ZMYM2: variants seen among roughly 807,000 people sequenced by gnomAD.
ZMYM2 encodes the protein zinc finger MYM-type protein 2.
A neutral mutation model predicts 162.8 loss-of-function variants in ZMYM2; 56 were observed. The observed-to-expected ratio is 0.34, with a 90% confidence interval of 0.28 to 0.43. The LOEUF (loss-of-function observed/expected upper bound fraction) is 0.43. Among genes scored for constraint, ZMYM2 ranks in the 20% least tolerant of loss-of-function variants. The probability of loss-of-function intolerance (pLI) is 1.00; values close to 1 mark genes in which losing one functional copy is unlikely to be tolerated. For missense variants in ZMYM2, 1,275 were observed against 1,621.8 expected (o/e 0.79, Z 3.67); for synonymous variants, 510 against 541.6 (o/e 0.94, Z 0.81).
chr13:20,036,129 T>C (rs1043233588), intron 11 of ZMYM2, among the ~76,000 whole-genome samples: 1 of 152,162 alleles, frequency 6.6e-6, no homozygotes, highest in Non-Finnish European at 1.5e-5. Context: ...TAGAGTATTA[T>C]GTGATCCTCG....
chr13:20,087,786 T>C lies in ZMYM2; in HGVS notation c.*1772T>C. 1 of 187,186 alleles carries C rather than the reference T, an allele frequency of 5.3e-6. No individual in the cohort carries two copies. The highest frequency in any genetic ancestry group is 1.1e-5 in the Non-Finnish European group (1 of 88,600). The allele number at this position is 187,186 out of a possible 1,614,324, so 11.6% of individuals were successfully genotyped here. On this transcript the variant is annotated 3_prime_UTR_variant, in exon 25 of 25. Transcript: ENST00000610343. ...CAAATCTGATCATACATTACTAAAA[T>C]AGATTGCTGATTGTCTATTTAACGA...
intron 7 of ZMYM2, 23 bp from the exon 8 acceptor site, chr13:20,026,589 T>C (rs895689975): frequency 1.9e-6 from 3 of 1,570,690 alleles, no homozygotes; most frequent in East Asian, 4.5e-5. Context: ...TTAAAAATTA[T>C]CTTTTTATGT....
intron 10 of ZMYM2, among the ~76,000 whole-genome samples, chr13:20,031,652 C>G (rs1953148539): frequency 6.6e-6 from 1 of 151,968 alleles, no homozygotes; most frequent in Non-Finnish European, 1.5e-5. Flanking sequence ...AAGTCATATT[C>G]CTGATATATT....
At chr13:20,084,376 C>T (rs73440198) in intron 24 of ZMYM2, among the ~76,000 whole-genome samples, 3 of 152,144 alleles carry the variant, frequency 2.0e-5, no homozygotes, top group Non-Finnish European at 4.4e-5. Context: ...TTTTCTTAAA[C>T]GGTCAGATGG....
the ZMYM2 span, among the ~76,000 whole-genome samples, chr13:19,891,641 G>T: frequency 1.3e-5 from 2 of 150,908 alleles, no homozygotes; most frequent in Non-Finnish European, 2.9e-5. Flanking sequence ...AGCTAGGCAT[G>T]GTGGCATGTA....
intron 2 of ZMYM2, among the ~76,000 whole-genome samples, chr13:19,968,252 C>CT (rs1955988360): frequency 6.6e-6 from 1 of 151,938 alleles, no homozygotes; most frequent in African/African-American, 2.4e-5. Flanking sequence ...CTAGACTTTC[C>CT]TTTTTTTGAG....
At chr13:20,058,956 T>C (rs1318813424) in intron 15 of ZMYM2, 1 of 569,628 alleles carries the variant, frequency 1.8e-6, no homozygotes, top group Non-Finnish European at 3.2e-6. Flanking sequence ...ATCTCGAAAA[T>C]TTCCTTGGGG....
chr13:20,045,458 G>A (rs573709303), intron 12 of ZMYM2, among the ~76,000 whole-genome samples: 11 of 152,210 alleles, frequency 7.2e-5, no homozygotes, highest in African/African-American at 2.4e-4. Context: ...ATACACAGAG[G>A]ACAAACATAC....
In ZMYM2 at chr13:20,006,357, G is replaced by A; in HGVS notation, c.1300-17G>A. On this transcript the variant is annotated splice_polypyrimidine_tract_variant and intron_variant, in intron 5 of 24. Coordinates refer to ENST00000610343, the MANE Select transcript of ZMYM2 (RefSeq NM_197968.4). Reference sequence around the variant, plus strand: ...AGATTGATCTGTTTTGTAAGATTTTGTTTATTTTTCTTTTAGATTCGCCAT... The same window carrying A: ...AGATTGATCTGTTTTGTAAGATTTTATTTATTTTTCTTTTAGATTCGCCAT... 1 of 1,551,098 alleles carries A rather than the reference G, an allele frequency of 6.4e-7. No individual in the cohort carries two copies.
chr13:19,985,877 A>AAAAT (rs560595793), intron 2 of ZMYM2, among the ~76,000 whole-genome samples: 7 of 151,702 alleles, frequency 4.6e-5, no homozygotes, highest in East Asian at 3.9e-4. Context: ...CTCTGTCTCA[A>AAAAT]AAATAAATAA....
intron 21 of ZMYM2, chr13:20,072,006 G>T: frequency 5.4e-6 from 1 of 183,658 alleles, no homozygotes; most frequent in Non-Finnish European, 1.2e-5. Context: ...TTTGGAAAGA[G>T]CTGTTTCCTT....
chr13:20,034,943 T>G (rs891107495), intron 11 of ZMYM2, among the ~76,000 whole-genome samples: 1 of 152,224 alleles, frequency 6.6e-6, no homozygotes, highest in Non-Finnish European at 1.5e-5. Flanking sequence ...GGCAGCAGAT[T>G]ATACAGATGA....
At chr13:19,952,457 C>A in the ZMYM2 span, among the ~76,000 whole-genome samples, 6 of 152,132 alleles carry the variant, frequency 3.9e-5, no homozygotes, top group East Asian at 1.2e-3. Context: ...TTAGTCACTG[C>A]ACAATGTATA....
At chr13:20,052,379 A>C (rs1955440696) in intron 14 of ZMYM2, 68 bp downstream of exon 14, 2 of 1,423,710 alleles carry the variant, frequency 1.4e-6, no homozygotes, top group Admixed American at 4.7e-5. Flanking sequence ...TAATTAGGCC[A>C]ATTTAATGTG....
chr13:20,036,217 G>A (rs527432288), intron 11 of ZMYM2, among the ~76,000 whole-genome samples: 1 of 151,934 alleles, frequency 6.6e-6, no homozygotes, highest in African/African-American at 2.4e-5. Context: ...GACATACTTC[G>A]TTAAAGGACT....
the ZMYM2 span, among the ~76,000 whole-genome samples, chr13:19,890,582 G>A: frequency 5.6e-4 from 84 of 149,588 alleles, 2 homozygotes; most frequent in South Asian, 0.016. Flanking sequence ...TGTAGAACAC[G>A]TATCTCTGGG....
intron 11 of ZMYM2, among the ~76,000 whole-genome samples, chr13:20,035,327 G>A (rs1338476838): frequency 2.6e-5 from 4 of 152,264 alleles, no homozygotes; most frequent in Admixed American, 6.5e-5. Context: ...AGTCATGTCC[G>A]TAAGAGGGTG....
At chr13:20,027,855 C>G (rs1005705451) in intron 9 of ZMYM2, 1 of 163,376 alleles carries the variant, frequency 6.1e-6, no homozygotes, top group Non-Finnish European at 1.3e-5. Flanking sequence ...TATGGATAGT[C>G]TCAGAAGATA....
chr13:20,064,537 A>G lies in ZMYM2; in HGVS notation c.3124A>G (p.Lys1042Glu). 1 of 1,547,010 alleles carries G rather than the reference A, an allele frequency of 6.5e-7. No homozygotes were observed. Among genetic ancestry groups the G allele is most frequent in the East Asian group, 2.4e-5 (1 of 42,504 alleles). ...EYEEQPRPRS[K>E]KKGAKRKAVS... is the part of the protein sequence containing the mutation. ...TGAGGAACAGCCCAGACCTCGATCTAAAAAAAAGGTACATTCACTTAATAG... is the reference window on the plus strand; with the variant it reads ...TGAGGAACAGCCCAGACCTCGATCTGAAAAAAAGGTACATTCACTTAATAG... The change falls in exon 19 of 25, where the codon AAA becomes GAA. Residue 1042 changes from lysine to glutamate, a missense_variant. Transcript: ENST00000610343.
Sources: allele counts gnomAD v4.1 joint callset (sites outside exome capture counted in the v4.1 genomes callset), GRCh38; gene constraint gnomAD v4.1.1; transcripts MANE v1.5; gene names NCBI Gene and HGNC (gene_info 2026-07-23, HGNC 2026-07-21).